The following HOOK1 variants were observed in gnomAD, a reference collection of about 807,000 sequenced individuals.
HOOK1 encodes the protein protein Hook homolog 1.
In HOOK1, 60 loss-of-function variants were observed where a neutral mutation model predicts 112.8. The ratio of observed to expected loss-of-function variants is 0.53; its 90% CI spans 0.43 to 0.66. HOOK1 has a LOEUF of 0.66. Among genes scored for constraint, HOOK1 ranks in the 30% least tolerant of loss-of-function variants. HOOK1 has a pLI of 0.00. For missense variants in HOOK1, 770 were observed against 856.0 expected (o/e 0.90, Z 1.25); for synonymous variants, 294 against 283.8 (o/e 1.04, Z -0.36).
chr1:59,834,357 A>G lies in HOOK1; in HGVS notation c.406+820A>G, dbSNP rs187511962. Among the ~76,000 whole-genome samples the G allele has an allele frequency of 4.1e-4, 62 of 152,336 alleles. 2 individuals are homozygous for G. In the East Asian group the frequency reaches 0.012, roughly 29 times the overall value. Reference sequence around the variant, plus strand: ...GGGATAAATTTACCTACAAACTCTGAAAGGAGAAAAATAAAACAAAATACA... The same window carrying G: ...GGGATAAATTTACCTACAAACTCTGGAAGGAGAAAAATAAAACAAAATACA... On this transcript the variant is annotated intron_variant, in intron 5 of 21. Coordinates refer to ENST00000371208, the MANE Select transcript of HOOK1 (RefSeq NM_015888.6).
At chr1:59,861,077 A>G (rs2098413373) in intron 15 of HOOK1, among the ~76,000 whole-genome samples, 1 of 151,502 alleles carries the variant, frequency 6.6e-6, no homozygotes, top group African/African-American at 2.4e-5. Context: ...TGCCTGGCCA[A>G]TTTTTGTATT....
At chr1:59,817,144 A>G (rs2098382192) in intron 1 of HOOK1, among the ~76,000 whole-genome samples, 1 of 152,186 alleles carries the variant, frequency 6.6e-6, no homozygotes, top group South Asian at 2.1e-4. Context: ...CTCTGTATGT[A>G]TAAACTTGCT....
At position 59,826,371 on chromosome 1, in the gene HOOK1, TTC is replaced by T. The variant is rs1178701732; in HGVS notation, c.150-2407_150-2406del. ...AAAAAAAAAAGAGATGCCCTGAGAT[TTC>T]TGAGGTTGGAGATCAAGTTTAATAG... On this transcript the variant is annotated intron_variant, in intron 2 of 21. Coordinates refer to ENST00000371208, the MANE Select transcript of HOOK1 (RefSeq NM_015888.6). Among the ~76,000 whole-genome samples, 30 of 151,940 alleles carry T rather than the reference TTC, an allele frequency of 2.0e-4. 1 individual carries two copies.
intron 6 of HOOK1, among the ~76,000 whole-genome samples, chr1:59,836,219 G>C (rs1335013748): frequency 3.9e-5 from 6 of 152,114 alleles, no homozygotes; most frequent in Admixed American, 1.3e-4. Flanking sequence ...AGTTGAGCCA[G>C]GAAGGATTCA....
chr1:59,822,165 C>A lies in HOOK1; in HGVS notation c.149+222C>A, dbSNP rs1380057753. ...GATACATCTTAACTGGATATGTGAT[C>A]AGGATTCTTATTTATTCAAGTTAAC... On this transcript the variant is annotated intron_variant, in intron 2 of 21. Transcript: ENST00000371208. Among the ~76,000 whole-genome samples the A allele has an allele frequency of 3.3e-5, 5 of 152,248 alleles. No homozygotes were observed. The East Asian group carries it at 9.6e-4, about 29-fold the overall frequency.
intron 14 of HOOK1, 83 bp from the exon 15 acceptor site, chr1:59,860,105 G>C (rs1488876799): frequency 1.9e-6 from 2 of 1,050,410 alleles, no homozygotes; most frequent in African/African-American, 3.3e-5. Flanking sequence ...CTATTGAGTG[G>C]ACAGGAATTT....
In HOOK1 at chr1:59,875,947, A is replaced by G. The variant is rs1013885997; in HGVS notation, c.*2982A>G. The stretch of plus-strand genomic sequence containing the variant: ...AGATAATGTTTCCACATCTATACCT[A>G]TTTCTTTCTAGGGCACTTCTGACCC... On this transcript the variant is annotated 3_prime_UTR_variant, in exon 22 of 22. Coordinates refer to ENST00000371208, the MANE Select transcript of HOOK1 (RefSeq NM_015888.6). 2 of 152,584 alleles carry G rather than the reference A, an allele frequency of 1.3e-5. No individual in the cohort carries two copies. Among genetic ancestry groups the G allele is most frequent in the African/African-American group, 4.8e-5 (2 of 41,452 alleles). 9.5% of individuals were successfully genotyped at this position (152,584 alleles called of 1,614,324 possible). A position where few individuals can be genotyped will look rare whatever the true frequency, so the allele number is the denominator to read the frequency against.
chr1:59,858,913 G>T, intron 13 of HOOK1, 72 bp from the exon 14 acceptor site: 3 of 760,854 alleles, frequency 3.9e-6, no homozygotes, highest in Non-Finnish European at 6.4e-6. Flanking sequence ...GAGAGGGAGG[G>T]GGGGAAGGAG....
chr1:59,828,867 T>C lies in HOOK1; in HGVS notation c.222+15T>C, dbSNP rs368291166. On this transcript the variant is annotated intron_variant, in intron 3 of 21. Transcript: ENST00000371208. ...GGAGAATAAAGGTATGCAGAACAAA[T>C]GGGAGAAGCACTTGATCCAAACAGT... 1.0e-5 allele frequency: 16 copies of C among 1,595,798 alleles called. No individual in the cohort carries two copies. Among genetic ancestry groups the C allele is most frequent in the Non-Finnish European group, 1.3e-5 (15 of 1,165,676 alleles).
chr1:59,854,024 ATATATATATATATATTTTTTTTTTTTTT>A (rs1201271480), intron 12 of HOOK1, among the ~76,000 whole-genome samples: 3 of 21,266 alleles, frequency 1.4e-4, no homozygotes, highest in African/African-American at 6.6e-4. Flanking sequence ...ATATATATAT[ATATATATATATATATTTTTTTTTTTTTT>A]TTTTTTTTTT....
intron 9 of HOOK1, 152 bp downstream of exon 9, chr1:59,843,750 C>A: frequency 1.7e-6 from 1 of 593,910 alleles, no homozygotes; most frequent in Non-Finnish European, 2.8e-6. Context: ...TAAGTGGTTC[C>A]TGTTATCACA....
At chr1:59,852,466 CAAG>C (rs1559056082) in intron 12 of HOOK1, among the ~76,000 whole-genome samples, 1 of 149,578 alleles carries the variant, frequency 6.7e-6, no homozygotes, top group Non-Finnish European at 1.5e-5. Flanking sequence ...CTGTGAGAAA[CAAG>C]AGAATTTTGC....
chr1:59,818,065 C>A (rs562517656), intron 1 of HOOK1, among the ~76,000 whole-genome samples: 49 of 152,196 alleles, frequency 3.2e-4, no homozygotes, highest in African/African-American at 1.1e-3. Flanking sequence ...GAATTTTTAA[C>A]TGGGTCATAG....
intron 12 of HOOK1, among the ~76,000 whole-genome samples, chr1:59,855,629 A>G (rs2098410039): frequency 6.6e-6 from 1 of 151,912 alleles, no homozygotes; most frequent in South Asian, 2.1e-4. Context: ...GAATAAGGAA[A>G]TTTTATAACT....
At chr1:59,836,774 A>G in intron 6 of HOOK1, 99 bp from the exon 7 acceptor site, 1 of 678,658 alleles carries the variant, frequency 1.5e-6, no homozygotes, top group Non-Finnish European at 2.4e-6. Flanking sequence ...AGGCAAGGAA[A>G]AGCTAAATAT....
chr1:59,868,216 A>G (rs764693334), intron 19 of HOOK1, 34 bp from the exon 20 acceptor site: 1 of 1,114,314 alleles, frequency 9.0e-7, no homozygotes, highest in Non-Finnish European at 1.3e-6. Flanking sequence ...ACTTTAAAAT[A>G]TAAAGTGAAC....
At chr1:59,820,573 CT>C in intron 1 of HOOK1, among the ~76,000 whole-genome samples, 1 of 152,106 alleles carries the variant, frequency 6.6e-6, no homozygotes, top group East Asian at 1.9e-4. Flanking sequence ...TTGACTATTT[CT>C]TTACTTAGAA....
chr1:59,833,563 A>T, intron 5 of HOOK1, 26 bp downstream of exon 5: 1 of 1,504,532 alleles, frequency 6.6e-7, no homozygotes, highest in Non-Finnish European at 9.0e-7. Context: ...TCATTTGAGG[A>T]TTTCTACTTT....
At chr1:59,834,580 C>T (rs2098396235) in intron 5 of HOOK1, among the ~76,000 whole-genome samples, 1 of 151,976 alleles carries the variant, frequency 6.6e-6, no homozygotes, top group South Asian at 2.1e-4. Flanking sequence ...GGGACATTTG[C>T]TCATGGAAGG....
Sources: gnomAD v4.1 joint callset for allele counts (sites outside exome capture counted in the v4.1 genomes callset) on GRCh38, gnomAD v4.1.1 for gene constraint, MANE v1.5 for transcripts, NCBI Gene and HGNC (gene_info 2026-07-23, HGNC 2026-07-21) for gene names.